The following ADAMTS14 variants were observed in gnomAD, a reference collection of about 807,000 sequenced individuals.
The protein encoded by ADAMTS14 is A disintegrin and metalloproteinase with thrombospondin motifs 14.
A neutral mutation model predicts 128.6 loss-of-function variants in ADAMTS14; 100 were observed. The ratio of observed to expected loss-of-function variants is 0.78; its 90% confidence interval spans 0.66 to 0.92. The LOEUF (loss-of-function observed/expected upper bound fraction) is 0.92. Among genes scored for constraint, ADAMTS14 ranks in the 40% least tolerant of loss-of-function variants. The pLI is 0.00. For synonymous variants in ADAMTS14, 665 were observed against 653.8 expected (o/e 1.02, Z -0.26); for missense variants, 1,562 against 1,658.6 (o/e 0.94, Z 1.01).
chr10:70,736,792 A>G lies in ADAMTS14; in HGVS notation c.1598A>G (p.Lys533Arg). Residue 533 changes from lysine (K) to arginine (R), a missense_variant and splice_region_variant, in exon 10 of 22, where the codon AAG (lysine) becomes AGG (arginine). Coordinates refer to ENST00000373207, the MANE Select transcript of ADAMTS14 (RefSeq NM_080722.4). ...PLDGTECAPGKWCFKGHCIWK... is the reference protein window; with the variant it reads ...PLDGTECAPGRWCFKGHCIWK... ...GATGGGACTGAGTGTGCACCCGGCA[A>G]GGTACCTGTGGGGTGTGCAGCAGGA... The G allele has an allele frequency of 6.2e-7, 1 of 1,613,380 alleles. No homozygotes were observed. The highest frequency in any genetic ancestry group is 8.5e-7 in the Non-Finnish European group (1 of 1,179,568).
At chr10:70,737,765 A>G (rs1232899613) in intron 10 of ADAMTS14, among the ~76,000 whole-genome samples, 1 of 152,130 alleles carries the variant, frequency 6.6e-6, no homozygotes, top group Non-Finnish European at 1.5e-5. Flanking sequence ...CCACAGTTTC[A>G]CGAGACAGTT....
At chr10:70,752,467 T>C (rs548825653) in intron 18 of ADAMTS14, among the ~76,000 whole-genome samples, 7 of 130,448 alleles carry the variant, frequency 5.4e-5, no homozygotes, top group African/African-American at 2.1e-4. Context: ...CCAGCCATGG[T>C]CCAGCCCCTA....
At chr10:70,689,264 C>G (rs1840113674) in intron 2 of ADAMTS14, among the ~76,000 whole-genome samples, 1 of 144,952 alleles carries the variant, frequency 6.9e-6, no homozygotes, top group Non-Finnish European at 1.6e-5. Flanking sequence ...TGTTTTAAGG[C>G]CTGACCCGAA....
At chr10:70,684,901 G>T (rs1839910962) in intron 2 of ADAMTS14, among the ~76,000 whole-genome samples, 1 of 152,208 alleles carries the variant, frequency 6.6e-6, no homozygotes, top group Non-Finnish European at 1.5e-5. Context: ...CAGCCAGTCT[G>T]ATCTTGCAGT....
At chr10:70,731,852 C>T (rs964402490) in intron 6 of ADAMTS14, among the ~76,000 whole-genome samples, 4 of 152,158 alleles carry the variant, frequency 2.6e-5, no homozygotes, top group Non-Finnish European at 4.4e-5. Context: ...GGGGTAGGCT[C>T]GGATCTGAGT....
chr10:70,758,194 G>C lies in ADAMTS14; in HGVS notation c.3087G>C (p.Thr1029=), dbSNP rs148496606. The change falls in exon 21 of 22, where the codon ACG becomes ACC. Residue 1029 remains threonine (T), a synonymous_variant. Coordinates refer to ENST00000373207, the MANE Select transcript of ADAMTS14 (RefSeq NM_080722.4). ...TCACAGGAAATCACCAGAACTCCAC[G>C]GTGAGGGCCGATGTCTGGGAACTTG... ...PACGGNHQNS[T]VRADVWELGT... 4.0e-5 allele frequency: 65 copies of C among 1,614,092 alleles called. No individual in the cohort carries two copies. In the African/African-American group the frequency reaches 7.5e-4, roughly 19 times the overall value.
intron 4 of ADAMTS14, among the ~76,000 whole-genome samples, chr10:70,719,098 C>G (rs1389788579): frequency 2.6e-5 from 4 of 151,944 alleles, no homozygotes; most frequent in Non-Finnish European, 4.4e-5. Context: ...TTGGTAGAGG[C>G]CAGGGATTCC....
At chr10:70,747,226 A>G (rs150222470) in intron 15 of ADAMTS14, among the ~76,000 whole-genome samples, 1 of 152,248 alleles carries the variant, frequency 6.6e-6, no homozygotes, top group Non-Finnish European at 1.5e-5. Flanking sequence ...CTGAAAGGGC[A>G]TTGTCCCATC....
intron 4 of ADAMTS14, among the ~76,000 whole-genome samples, chr10:70,710,198 A>G (rs1260213762): frequency 6.6e-6 from 1 of 152,184 alleles, no homozygotes; most frequent in African/African-American, 2.4e-5. Context: ...CACAAGGGAA[A>G]ATGCCACGTC....
At position 70,672,719 on chromosome 10, in the gene ADAMTS14, C is replaced by G; in HGVS notation, c.-84C>G. 2 of 1,377,350 alleles carry G rather than the reference C, an allele frequency of 1.5e-6. No individual in the cohort carries two copies. Among genetic ancestry groups the G allele is most frequent in the East Asian group, 3.1e-5 (1 of 32,218 alleles). The allele number at this position is 1,377,350 out of a possible 1,614,324, so 85.3% of individuals were successfully genotyped here. ...CGGCAGCCAGCCGGTGCTCCGACAG[C>G]CCGGGGCGCACCCTAGCCTCGCCGC... On this transcript the variant is annotated 5_prime_UTR_variant, in exon 1 of 22. Transcript: ENST00000373207.
chr10:70,685,551 T>C (rs56055213), intron 2 of ADAMTS14, among the ~76,000 whole-genome samples: 26,890 of 151,978 alleles, frequency 0.18, 2,930 homozygotes, highest in Middle Eastern at 0.26. Flanking sequence ...CATTTTCCAG[T>C]AGAGGAAGCC....
At chr10:70,745,344 C>T (rs1343685644) in intron 15 of ADAMTS14, 38 bp downstream of exon 15, 1 of 1,599,612 alleles carries the variant, frequency 6.3e-7, no homozygotes, top group East Asian at 2.2e-5. Flanking sequence ...AGCAGGGCCC[C>T]AGGCCCTGCC....
chr10:70,706,869 CG>C (rs1840683592), intron 3 of ADAMTS14, among the ~76,000 whole-genome samples: 1 of 152,246 alleles, frequency 6.6e-6, no homozygotes. Context: ...AGCGTAGAGG[CG>C]GCTCGGGTCT....
rs78336148 is a variant in ADAMTS14, at chr10:70,720,864, A to T, written c.871-8430A>T. ...TGTGTGCACACAGACCAGTTCACATATGTACCATATTTCATCAAATCTAAG... is the reference window on the plus strand; with the variant it reads ...TGTGTGCACACAGACCAGTTCACATTTGTACCATATTTCATCAAATCTAAG... On this transcript the variant is annotated intron_variant, in intron 4 of 21. Transcript: ENST00000373207. Among the ~76,000 whole-genome samples, 633 of 152,312 alleles carry T rather than the reference A, an allele frequency of 4.2e-3. 3 individuals are homozygous for T. Among genetic ancestry groups the T allele is most frequent in the African/African-American group, 0.014 (602 of 41,568 alleles).
At chr10:70,672,905 C>CG in intron 1 of ADAMTS14, 21 bp downstream of exon 1, 1 of 1,448,516 alleles carries the variant, frequency 6.9e-7, no homozygotes, top group Non-Finnish European at 9.0e-7. Context: ...GTTGGGCGCG[C>CG]GGGGGCCCGT....
chr10:70,691,935 G>A (rs1255564686), intron 2 of ADAMTS14, among the ~76,000 whole-genome samples: 1 of 152,178 alleles, frequency 6.6e-6, no homozygotes. Flanking sequence ...TATGAAACAT[G>A]GATGACCACT....
At chr10:70,731,284 G>A (rs892469839) in intron 6 of ADAMTS14, among the ~76,000 whole-genome samples, 4 of 152,038 alleles carry the variant, frequency 2.6e-5, no homozygotes, top group African/African-American at 4.8e-5. Flanking sequence ...CATAGACACA[G>A]ACATGCACAC....
At chr10:70,737,395 C>T (rs903962736) in intron 10 of ADAMTS14, among the ~76,000 whole-genome samples, 4 of 152,276 alleles carry the variant, frequency 2.6e-5, no homozygotes, top group South Asian at 4.1e-4. Flanking sequence ...GACCTTGGGC[C>T]GTTCATTGAA....
chr10:70,725,481 T>A (rs1327247797), intron 4 of ADAMTS14, among the ~76,000 whole-genome samples: 3 of 152,116 alleles, frequency 2.0e-5, no homozygotes, highest in Non-Finnish European at 4.4e-5. Context: ...GGCTGGGAAG[T>A]CCAAGATCAG....
Sources: gnomAD v4.1 joint callset for allele counts (sites outside exome capture counted in the v4.1 genomes callset) on GRCh38, gnomAD v4.1.1 for gene constraint, MANE v1.5 for transcripts, NCBI Gene and HGNC (gene_info 2026-07-23, HGNC 2026-07-21) for gene names.